Variants in KCNH1 observed in about 807,000 individuals in gnomAD.
KCNH1 encodes the protein voltage-gated delayed rectifier potassium channel KCNH1.
A neutral mutation model predicts 69.2 loss-of-function variants in KCNH1; 27 were observed. The ratio of observed to expected loss-of-function variants is 0.39; its 90% confidence interval spans 0.29 to 0.54. The LOEUF (loss-of-function observed/expected upper bound fraction) is 0.54. Among genes scored for constraint, KCNH1 ranks in the 20% least tolerant of loss-of-function variants. KCNH1 has a pLI of 0.68. For synonymous variants in KCNH1, 456 were observed against 487.7 expected, an observed-to-expected ratio of 0.93 and a Z score of 0.86; for missense variants, 798 against 1,261.6, an observed-to-expected ratio of 0.63 and a Z score of 5.57.
chr1:210,709,100 A>C (rs1182387384), intron 10 of KCNH1, among the ~76,000 whole-genome samples: 3 of 152,124 alleles, frequency 2.0e-5, no homozygotes, highest in Non-Finnish European at 4.4e-5. Context: ...AAAATACAAA[A>C]ATCAGCCAGG....
intron 7 of KCNH1, among the ~76,000 whole-genome samples, chr1:210,836,204 T>C (rs938584248): frequency 2.0e-5 from 3 of 151,710 alleles, no homozygotes; most frequent in African/African-American, 7.3e-5. Flanking sequence ...CTGAGCTAAA[T>C]GGCCATCCCC....
At chr1:210,911,913 G>C (rs1687239906) in intron 7 of KCNH1, among the ~76,000 whole-genome samples, 1 of 152,086 alleles carries the variant, frequency 6.6e-6, no homozygotes, top group South Asian at 2.1e-4. Context: ...TTCCCTTCCT[G>C]ATTCTTTACT....
chr1:211,040,160 T>C (rs1461178918), intron 5 of KCNH1, among the ~76,000 whole-genome samples: 5 of 141,800 alleles, frequency 3.5e-5, no homozygotes, highest in Admixed American at 7.5e-5. Flanking sequence ...CACTGCACTC[T>C]AGTCTGGGCA....
intron 1 of KCNH1, among the ~76,000 whole-genome samples, chr1:211,114,995 G>A (rs61848604): frequency 1.3e-5 from 2 of 151,668 alleles, no homozygotes; most frequent in African/African-American, 2.4e-5. Flanking sequence ...TTGAGACAGG[G>A]TCTTGCTCTG....
chr1:211,106,479 T>C (rs964646621), intron 2 of KCNH1, among the ~76,000 whole-genome samples: 10 of 149,718 alleles, frequency 6.7e-5, no homozygotes, highest in Non-Finnish European at 1.5e-4. Flanking sequence ...CTCATCTTTT[T>C]CTGAAGTAAA....
chr1:211,085,482 G>GA (rs767474662), intron 4 of KCNH1, among the ~76,000 whole-genome samples: 2,032 of 134,202 alleles, frequency 0.015, 32 homozygotes, highest in African/African-American at 0.047. Flanking sequence ...TAGTGGGCTA[G>GA]AAAAAAAAAA....
At chr1:210,870,162 A>G (rs1363546977) in intron 7 of KCNH1, among the ~76,000 whole-genome samples, 1 of 152,024 alleles carries the variant, frequency 6.6e-6, no homozygotes, top group African/African-American at 2.4e-5. Flanking sequence ...AGTTTTTTTC[A>G]TAGATTTTTG....
intron 6 of KCNH1, among the ~76,000 whole-genome samples, chr1:211,002,443 A>G (rs1195069882): frequency 6.6e-6 from 1 of 151,642 alleles, no homozygotes; most frequent in Non-Finnish European, 1.5e-5. Context: ...ATCCAAAATA[A>G]CTAGCACATG....
chr1:210,856,772 ATATATGT>A (rs1272924765), intron 7 of KCNH1, among the ~76,000 whole-genome samples: 4 of 123,622 alleles, frequency 3.2e-5, no homozygotes, highest in African/African-American at 1.1e-4. Flanking sequence ...TTTGTTATAT[ATATATGT>A]TATATATATA....
intron 7 of KCNH1, chr1:210,860,307 C>A: frequency 7.4e-7 from 1 of 1,344,484 alleles, no homozygotes; most frequent in Non-Finnish European, 1.1e-6. Context: ...TCAGGCTATG[C>A]GCTAAAGAGA....
intron 7 of KCNH1, among the ~76,000 whole-genome samples, chr1:210,824,728 A>G (rs1373315333): frequency 6.6e-6 from 1 of 152,216 alleles, no homozygotes; most frequent in Non-Finnish European, 1.5e-5. Context: ...CTAGAATTTA[A>G]CAAGTGATAA....
chr1:210,802,700 C>A (rs956682354), intron 8 of KCNH1, among the ~76,000 whole-genome samples: 1 of 152,164 alleles, frequency 6.6e-6, no homozygotes, highest in Admixed American at 6.5e-5. Context: ...GAATTTATCA[C>A]CCTCTCCATT....
intron 10 of KCNH1, among the ~76,000 whole-genome samples, chr1:210,721,644 A>G (rs1261266301): frequency 2.0e-5 from 3 of 152,126 alleles, no homozygotes; most frequent in East Asian, 3.9e-4. Context: ...TTTTTGAGAC[A>G]TATCAGAAGC....
Position 211,018,847 on chromosome 1 carries a change from C to A in KCNH1, c.968G>T (p.Gly323Val), listed in dbSNP as rs771027605. Residue 323 changes from glycine to valine, a missense_variant, in exon 6 of 11, where the codon GGT (glycine) becomes GTT (valine). This residue lies in a region of KCNH1 where 266 missense variants were observed against 457.2 expected (regional missense o/e 0.58). Coordinates refer to ENST00000271751, the MANE Select transcript of KCNH1 (RefSeq NM_172362.3). ...ENVDEVSAFM[G>V]DPGKIGFADQ... is the part of the protein sequence containing the mutation. ...AGCAAAACCAATCTTCCCTGGATCA[C>A]CCATAAAGGCACTAACCTCATCCAC... The A allele has an allele frequency of 5.6e-6, 9 of 1,613,854 alleles. No homozygotes were observed. Among genetic ancestry groups the A allele is most frequent in the Non-Finnish European group, 7.6e-6 (9 of 1,179,932 alleles).
At chr1:210,846,428 T>A (rs1685549443) in intron 7 of KCNH1, among the ~76,000 whole-genome samples, 1 of 152,006 alleles carries the variant, frequency 6.6e-6, no homozygotes, top group African/African-American at 2.4e-5. Context: ...TAATGCCACA[T>A]ATCTACAACC....
rs1216406778 is a variant in KCNH1 at position 210,919,293 on chromosome 1, G to A, written c.1462+347C>T. ...TGTTCTATGAGTAGTTTACTAAAGT[G>A]CGTATGCAGCAAGATCTCATTTTAA... On this transcript the variant is annotated intron_variant, in intron 7 of 10. Coordinates refer to ENST00000271751, the MANE Select transcript of KCNH1 (RefSeq NM_172362.3). The surrounding 1 kb of genome is among the most constrained non-coding windows in gnomAD (Gnocchi z 4.2). 1.0e-5 allele frequency: 2 copies of A among 192,860 alleles called. No homozygotes were observed. The highest frequency in any genetic ancestry group is 5.3e-5 in the Admixed American group (1 of 19,032). The allele number at this position is 192,860 out of a possible 1,614,324, so 11.9% of individuals were successfully genotyped here.
At chr1:210,967,922 T>C (rs1688438320) in intron 6 of KCNH1, among the ~76,000 whole-genome samples, 1 of 152,000 alleles carries the variant, frequency 6.6e-6, no homozygotes, top group Non-Finnish European at 1.5e-5. Context: ...ATTGTGCAGG[T>C]TAGTTACATA....
At position 210,718,685 on chromosome 1, in the gene KCNH1, CACACACAT is replaced by C. The variant is rs1481491523; in HGVS notation, c.2113-34555_2113-34548del. Among the ~76,000 whole-genome samples the C allele has an allele frequency of 1.2e-3, 138 of 111,980 alleles. 3 individuals are homozygous for C. Among genetic ancestry groups the C allele is most frequent in the South Asian group, 2.4e-3 (9 of 3,730 alleles). The allele number at this position is 111,980 out of a possible 152,430, so 73.5% of individuals were successfully genotyped here. On this transcript the variant is annotated intron_variant, in intron 10 of 10. Transcript: ENST00000271751. ...ACACACACACACACACACACACACA[CACACACAT>C]ATATATATACACACTAAGTCTTCAA...
chr1:210,841,013 C>G (rs1489222793), intron 7 of KCNH1, among the ~76,000 whole-genome samples: 2 of 152,082 alleles, frequency 1.3e-5, no homozygotes, highest in Non-Finnish European at 2.9e-5. Flanking sequence ...GTAGACAGGA[C>G]AGAGATGGGG....
Sources: allele counts gnomAD v4.1 joint callset (sites outside exome capture counted in the v4.1 genomes callset), GRCh38; gene constraint gnomAD v4.1.1; regional missense constraint gnomAD v4.1.1; non-coding constraint Gnocchi (gnomAD v3.1); transcripts MANE v1.5; gene names NCBI Gene and HGNC (gene_info 2026-07-23, HGNC 2026-07-21).